Variants in SSH2 observed in about 807,000 individuals in gnomAD.
SSH2 encodes the protein slingshot protein phosphatase 2, also known as protein phosphatase Slingshot homolog 2.
A neutral mutation model predicts 135.2 loss-of-function variants in SSH2; 37 were observed. The observed-to-expected ratio is 0.27, with a 90% CI of 0.21 to 0.36. The LOEUF is 0.36. SSH2 is among the 10% of genes least tolerant of loss of function. The pLI is 1.00. For missense variants in SSH2, 1,408 were observed against 1,765.3 expected (o/e 0.80, Z 3.63); for synonymous variants, 628 against 646.2 (o/e 0.97, Z 0.43).
At position 29,836,730 on chromosome 17, in the gene SSH2, C is replaced by T. The variant is rs137932058; in HGVS notation, c.144+12119G>A. On this transcript the variant is annotated intron_variant, in intron 2 of 15. Transcript: ENST00000540801. ...AATTATAAAGTGAGAGGAAAAATTA[C>T]TACCGCTTTTCTACTGCCAAAGCAC... Among the ~76,000 whole-genome samples, 1,138 of 152,274 alleles carry T rather than the reference C, an allele frequency of 7.5e-3. 11 individuals are homozygous for T. The highest frequency in any genetic ancestry group is 0.022 in the African/African-American group (935 of 41,556).
Position 29,648,173 on chromosome 17 carries a change from C to T in SSH2, c.1398G>A (p.Leu466=). 1.2e-6 allele frequency: 2 copies of T among 1,614,062 alleles called. No homozygotes were observed. Among genetic ancestry groups the T allele is most frequent in the Non-Finnish European group, 1.7e-6 (2 of 1,180,036 alleles). Residue 466 remains leucine (L), a synonymous_variant, in exon 14 of 16, where the codon CTG becomes CTA. Coordinates refer to ENST00000540801, the MANE Select transcript of SSH2 (RefSeq NM_001282129.2). ...CCAGCAAGATCCCCTGATACTCTTC[C>T]AGTTGTCTCATGAAGCTTGGGTTGG... ...TKPNPSFMRQ[L]EEYQGILLAS...
At chr17:29,678,677 AG>A (rs577911354) in intron 6 of SSH2, among the ~76,000 whole-genome samples, 254 of 151,056 alleles carry the variant, frequency 1.7e-3, no homozygotes, top group Middle Eastern at 3.4e-3. Flanking sequence ...AACCAAGAAA[AG>A]GGTAGCCCTA....
At chr17:29,692,451 G>C (rs1241783602) in intron 5 of SSH2, among the ~76,000 whole-genome samples, 5 of 152,106 alleles carry the variant, frequency 3.3e-5, no homozygotes, top group Non-Finnish European at 7.4e-5. Context: ...TGAATTCAGA[G>C]GCATCAGTTA....
chr17:29,703,122 T>C lies in SSH2; in HGVS notation c.189-60A>G. The C allele has an allele frequency of 4.2e-6, 5 of 1,179,486 alleles. No homozygotes were observed. The South Asian group carries it at 6.1e-5, about 14-fold the overall frequency. 73.1% of individuals were successfully genotyped at this position (1,179,486 alleles called of 1,614,324 possible). A position where few individuals can be genotyped will look rare whatever the true frequency, so the allele number is the denominator to read the frequency against. ...TAGGAAAGGAAATCAAAGAGTAGGA[T>C]GGATAACCACTTTTGGATTCTCTCT... On this transcript the variant is annotated intron_variant, in intron 3 of 15. Coordinates refer to ENST00000540801, the MANE Select transcript of SSH2 (RefSeq NM_001282129.2).
chr17:29,665,731 C>T (rs912767466), intron 11 of SSH2, among the ~76,000 whole-genome samples: 2 of 152,174 alleles, frequency 1.3e-5, no homozygotes, highest in African/African-American at 4.8e-5. Flanking sequence ...ACTAAATGTA[C>T]AGATAAGAAC....
intron 3 of SSH2, among the ~76,000 whole-genome samples, chr17:29,731,434 T>C: frequency 1.4e-5 from 2 of 144,062 alleles, no homozygotes; most frequent in South Asian, 4.4e-4. Context: ...TATTTATTTA[T>C]TTATTTATTT....
chr17:29,860,238 T>C (rs1277399551), intron 1 of SSH2, among the ~76,000 whole-genome samples: 1 of 152,148 alleles, frequency 6.6e-6, no homozygotes, highest in African/African-American at 2.4e-5. Flanking sequence ...GTATAAGCAT[T>C]CCATTTTCTC....
chr17:29,647,248 C>T lies in SSH2; in HGVS notation c.1427+896G>A, dbSNP rs151092693. On this transcript the variant is annotated intron_variant, in intron 14 of 15. Coordinates refer to ENST00000540801, the MANE Select transcript of SSH2 (RefSeq NM_001282129.2). ...CTGCACTCCAGCCTGGGTGACAGAT[C>T]GAGACTCTGTCTCAAAAAAAAAAAA... Among the ~76,000 whole-genome samples the T allele has an allele frequency of 5.5e-3, 796 of 145,484 alleles. 9 individuals are homozygous for T. The highest frequency in any genetic ancestry group is 0.019 in the African/African-American group (748 of 39,212).
At chr17:29,840,706 G>A (rs2043025246) in intron 2 of SSH2, among the ~76,000 whole-genome samples, 1 of 152,158 alleles carries the variant, frequency 6.6e-6, no homozygotes, top group Non-Finnish European at 1.5e-5. Context: ...TGACTCTGTT[G>A]AAGAGCTGGT....
chr17:29,655,855 G>C (rs1279347947), intron 11 of SSH2, among the ~76,000 whole-genome samples: 5 of 152,162 alleles, frequency 3.3e-5, no homozygotes, highest in African/African-American at 4.8e-5. Flanking sequence ...TTTTGCCCAT[G>C]ATCATACAGC....
At chr17:29,910,782 TC>T (rs2066751470) in intron 1 of SSH2, among the ~76,000 whole-genome samples, 1 of 152,168 alleles carries the variant, frequency 6.6e-6, no homozygotes, top group Non-Finnish European at 1.5e-5. Flanking sequence ...GCTTTTGAAA[TC>T]AAAATATTCA....
chr17:29,927,985 G>C (rs1439954868), intron 1 of SSH2, among the ~76,000 whole-genome samples: 1 of 152,172 alleles, frequency 6.6e-6, no homozygotes, highest in Admixed American at 6.5e-5. Flanking sequence ...GTCATATCAA[G>C]TGTACACGGT....
chr17:29,728,264 C>T (rs2040067085), intron 3 of SSH2, among the ~76,000 whole-genome samples: 1 of 152,130 alleles, frequency 6.6e-6, no homozygotes, highest in African/African-American at 2.4e-5. Context: ...ATGCCAACAG[C>T]AAACAATCTG....
intron 14 of SSH2, among the ~76,000 whole-genome samples, chr17:29,641,357 T>C (rs1451036566): frequency 6.6e-6 from 1 of 152,218 alleles, no homozygotes; most frequent in African/African-American, 2.4e-5. Flanking sequence ...AATTTTAAAC[T>C]CGGCCGACTC....
chr17:29,889,079 A>G (rs533590761), intron 1 of SSH2, among the ~76,000 whole-genome samples: 88 of 152,278 alleles, frequency 5.8e-4, no homozygotes, highest in Admixed American at 2.1e-3. Context: ...GCAAAGCCAC[A>G]TGCAAACAAA....
At chr17:29,635,357 G>C (rs1186527520) in intron 15 of SSH2, among the ~76,000 whole-genome samples, 3 of 151,992 alleles carry the variant, frequency 2.0e-5, no homozygotes, top group Non-Finnish European at 4.4e-5. Context: ...CAGCATCTGA[G>C]TCCCTGGCAT....
chr17:29,767,878 T>G (rs1359926364), intron 3 of SSH2, among the ~76,000 whole-genome samples: 1 of 152,206 alleles, frequency 6.6e-6, no homozygotes, highest in Non-Finnish European at 1.5e-5. Flanking sequence ...TTGTATAATT[T>G]TTGTTCATGT....
At position 29,899,086 on chromosome 17, in the gene SSH2, T is replaced by C. The variant is rs1242177822; in HGVS notation, c.63+30852A>G. Among the ~76,000 whole-genome samples the C allele has an allele frequency of 2.0e-5, 3 of 152,228 alleles. No individual in the cohort carries two copies. The East Asian group carries it at 5.8e-4, about 29-fold the overall frequency. On this transcript the variant is annotated intron_variant, in intron 1 of 15. Transcript: ENST00000540801. ...CTTTGACAAAATTCAACAACCTTCA[T>C]GCTAAAAACTCTCAATAAATTAGGT...
intron 6 of SSH2, among the ~76,000 whole-genome samples, chr17:29,680,904 A>G (rs1047564617): frequency 6.6e-6 from 1 of 152,180 alleles, no homozygotes; most frequent in Admixed American, 6.5e-5. Flanking sequence ...GAAATTAACT[A>G]TATAAAAAGA....
Sources: gnomAD v4.1 joint callset for allele counts (sites outside exome capture counted in the v4.1 genomes callset) on GRCh38, gnomAD v4.1.1 for gene constraint, MANE v1.5 for transcripts, NCBI Gene and HGNC (gene_info 2026-07-23, HGNC 2026-07-21) for gene names.